Variants in EXOC2 observed in about 807,000 individuals in gnomAD.
EXOC2 encodes the protein exocyst complex component 2.
Under a neutral mutation model 131.8 loss-of-function variants are expected in EXOC2, and 70 were observed. The observed-to-expected ratio is 0.53, with a 90% CI of 0.44 to 0.65. The LOEUF (loss-of-function observed/expected upper bound fraction) is 0.65, where lower values mean the gene tolerates loss of function less well. Among genes scored for constraint, EXOC2 ranks in the 30% least tolerant of loss-of-function variants. EXOC2 has a pLI of 0.00. For missense variants in EXOC2, 923 were observed against 1,108.6 expected, an observed-to-expected ratio of 0.83 and a Z score of 2.38; for synonymous variants, 411 against 398.4, an observed-to-expected ratio of 1.03 and a Z score of -0.38.
intron 11 of EXOC2, among the ~76,000 whole-genome samples, chr6:591,754 A>G (rs2127626819): frequency 6.6e-6 from 1 of 152,300 alleles, no homozygotes; most frequent in African/African-American, 2.4e-5. Flanking sequence ...GCAGCATAGC[A>G]GGCATTCAAT....
intron 25 of EXOC2, 27 bp downstream of exon 25, chr6:497,340 C>A: frequency 1.9e-6 from 3 of 1,605,944 alleles, no homozygotes; most frequent in South Asian, 2.2e-5. Flanking sequence ...AACAGAAGTT[C>A]AATATGAAAT....
chr6:688,993 G>C (rs897007565), intron 1 of EXOC2: 1 of 152,150 alleles, frequency 6.6e-6, no homozygotes, highest in East Asian at 1.9e-4. Flanking sequence ...GCTTACAAAT[G>C]AAACGAAGGG....
rs141203461 is a variant in EXOC2 at position 587,708 on chromosome 6, G to A, written c.1192+4761C>T. On this transcript the variant is annotated intron_variant, in intron 11 of 27. Transcript: ENST00000230449. ...GAAACGTTCTGTCCGCGTCTGTGCC[G>A]CATTTCATTTACCATTTGCCTGTGC... Among the ~76,000 whole-genome samples, 454 of 152,296 alleles carry A rather than the reference G, an allele frequency of 3.0e-3. 4 individuals carry two copies. The highest frequency in any genetic ancestry group is 0.01 in the African/African-American group (436 of 41,562).
chr6:564,742 A>G (rs1008421223), intron 14 of EXOC2, 40 bp from the exon 15 acceptor site: 14 of 1,576,036 alleles, frequency 8.9e-6, no homozygotes, highest in Non-Finnish European at 1.1e-5. Context: ...TTCAAATGTG[A>G]TTAATCGGGT....
chr6:619,009 C>A (rs1581569047), intron 5 of EXOC2, among the ~76,000 whole-genome samples: 1 of 152,162 alleles, frequency 6.6e-6, no homozygotes, highest in Non-Finnish European at 1.5e-5. Context: ...CAGGTCCTTA[C>A]ATGATGATAA....
At chr6:538,112 G>A (rs1445820631) in intron 22 of EXOC2, among the ~76,000 whole-genome samples, 1 of 152,196 alleles carries the variant, frequency 6.6e-6, no homozygotes, top group Non-Finnish European at 1.5e-5. Flanking sequence ...TGTGCAAACA[G>A]TTAATAGGCA....
chr6:553,493 C>CT (rs1203489263), intron 21 of EXOC2, among the ~76,000 whole-genome samples: 3 of 151,972 alleles, frequency 2.0e-5, no homozygotes, highest in African/African-American at 7.3e-5. Context: ...CAGAACTACT[C>CT]TGGTTGAAGA....
chr6:657,773 A>G (rs1280448866), intron 1 of EXOC2, among the ~76,000 whole-genome samples: 1 of 152,136 alleles, frequency 6.6e-6, no homozygotes, highest in African/African-American at 2.4e-5. Context: ...GCAAAAAAAA[A>G]AAAAAAAAAT....
intron 7 of EXOC2, among the ~76,000 whole-genome samples, chr6:603,371 C>A (rs1261481156): frequency 1.3e-5 from 2 of 152,038 alleles, no homozygotes; most frequent in African/African-American, 4.8e-5. Context: ...CATAACGATG[C>A]TATACGGACA....
At chr6:611,575 C>T (rs1372096415) in intron 6 of EXOC2, among the ~76,000 whole-genome samples, 1 of 152,222 alleles carries the variant, frequency 6.6e-6, no homozygotes, top group Non-Finnish European at 1.5e-5. Flanking sequence ...CCGCCCATCT[C>T]CACCACAGCA....
intron 1 of EXOC2, among the ~76,000 whole-genome samples, chr6:685,695 A>AAT (rs1287303456): frequency 6.6e-6 from 1 of 152,012 alleles, no homozygotes; most frequent in Non-Finnish European, 1.5e-5. Context: ...TCCATCCCCA[A>AAT]ATCATAGTTA....
intron 1 of EXOC2, among the ~76,000 whole-genome samples, chr6:660,612 A>G (rs138654448): frequency 1.3e-5 from 2 of 152,200 alleles, no homozygotes; most frequent in Non-Finnish European, 2.9e-5. Flanking sequence ...AGAGCACTAC[A>G]TCAAGGGAAC....
chr6:560,862 C>T (rs997943946), intron 17 of EXOC2, among the ~76,000 whole-genome samples: 1 of 151,848 alleles, frequency 6.6e-6, no homozygotes, highest in African/African-American at 2.4e-5. Context: ...CATGTACCAC[C>T]GTGCCTGGCT....
intron 22 of EXOC2, among the ~76,000 whole-genome samples, chr6:538,928 C>T (rs777329936): frequency 8.5e-5 from 13 of 152,106 alleles, no homozygotes; most frequent in Admixed American, 1.3e-4. Context: ...GAAAATTAGC[C>T]GGCTGTGGTG....
intron 22 of EXOC2, among the ~76,000 whole-genome samples, chr6:539,985 G>A (rs1451076901): frequency 6.6e-6 from 1 of 152,158 alleles, no homozygotes; most frequent in Non-Finnish European, 1.5e-5. Flanking sequence ...TAATTCCTAG[G>A]AGAAGTATTA....
chr6:637,230 A>G (rs1259273275), intron 2 of EXOC2, among the ~76,000 whole-genome samples: 14 of 152,156 alleles, frequency 9.2e-5, no homozygotes, highest in African/African-American at 3.4e-4. Context: ...ATGAGGACAC[A>G]TGCCCGCCAG....
chr6:596,327 C>T (rs1338076542), intron 10 of EXOC2, among the ~76,000 whole-genome samples: 1 of 151,864 alleles, frequency 6.6e-6, no homozygotes, highest in Non-Finnish European at 1.5e-5. Context: ...CCCCCGTTCA[C>T]ACTTGCACAC....
At chr6:589,711 G>C (rs1463606132) in intron 11 of EXOC2, among the ~76,000 whole-genome samples, 3 of 152,234 alleles carry the variant, frequency 2.0e-5, no homozygotes, top group African/African-American at 7.2e-5. Flanking sequence ...GGCTGCACAT[G>C]AATCGCCCGG....
rs138339347 is a variant in EXOC2 at position 656,473 on chromosome 6, G to A, written c.-43-18612C>T. 200 of 1,611,418 alleles carry A rather than the reference G, an allele frequency of 1.2e-4. 1 individual carries two copies. The African/African-American group carries it at 1.7e-3, about 13-fold the overall frequency. ...CTCAGCGTCCTCCAGCGCGGCAGGC[G>A]GATGCTCGCGTCGGAGGCGCGCAGG... On this transcript the variant is annotated intron_variant, in intron 1 of 27. Coordinates refer to ENST00000230449, the MANE Select transcript of EXOC2 (RefSeq NM_018303.6).
Sources: allele counts gnomAD v4.1 joint callset (sites outside exome capture counted in the v4.1 genomes callset), GRCh38; gene constraint gnomAD v4.1.1; transcripts MANE v1.5; gene names NCBI Gene and HGNC (gene_info 2026-07-23, HGNC 2026-07-21).